Variants in RICTOR observed in about 807,000 individuals in gnomAD.
RICTOR encodes RPTOR independent companion of MTOR complex 2.
Under a neutral mutation model 214.9 loss-of-function variants are expected in RICTOR, and 49 were observed. The observed-to-expected ratio is 0.23, with a 90% CI of 0.18 to 0.29. RICTOR has a LOEUF of 0.29. RICTOR is among the 10% of genes least tolerant of loss of function. RICTOR has a pLI of 1.00. For synonymous variants in RICTOR, 717 were observed against 711.3 expected (o/e 1.01, Z -0.13); for missense variants, 1,625 against 2,047.0 (o/e 0.79, Z 3.98).
At position 38,942,180 on chromosome 5, in the gene RICTOR, C is replaced by T. The variant is rs548222798; in HGVS notation, c.*124G>A. 26 of 507,474 alleles carry T rather than the reference C, an allele frequency of 5.1e-5. No homozygotes were observed. Among genetic ancestry groups the T allele is most frequent in the Admixed American group, 4.0e-4 (14 of 35,026 alleles). 31.4% of individuals were successfully genotyped at this position (507,474 alleles called of 1,614,324 possible). On this transcript the variant is annotated 3_prime_UTR_variant, in exon 38 of 38. Coordinates refer to ENST00000357387, the MANE Select transcript of RICTOR (RefSeq NM_152756.5). ...CCAACTGTTCATGTACCAGTAACTGCGGAACAGTGTACAGAAGATACTCCT... is the reference window on the plus strand; with the variant it reads ...CCAACTGTTCATGTACCAGTAACTGTGGAACAGTGTACAGAAGATACTCCT...
In RICTOR at chr5:38,960,540, T is replaced by C; in HGVS notation, c.1716-7A>G. 2 of 1,611,430 alleles carry C rather than the reference T, an allele frequency of 1.2e-6. No individual in the cohort carries two copies. Among genetic ancestry groups the C allele is most frequent in the Non-Finnish European group, 1.7e-6 (2 of 1,178,676 alleles). On this transcript the variant is annotated splice_polypyrimidine_tract_variant and splice_region_variant and intron_variant, in intron 19 of 37. Coordinates refer to ENST00000357387, the MANE Select transcript of RICTOR (RefSeq NM_152756.5). ...AAGTAGTCTTCGTACAAACCTAAAATCAAAACACAAGTAGCAAAAAGGTAA... is the reference window on the plus strand; with the variant it reads ...AAGTAGTCTTCGTACAAACCTAAAACCAAAACACAAGTAGCAAAAAGGTAA...
chr5:39,027,667 G>GA (rs1755938416), intron 2 of RICTOR, among the ~76,000 whole-genome samples: 1 of 151,736 alleles, frequency 6.6e-6, no homozygotes, highest in African/African-American at 2.4e-5. Flanking sequence ...TAGACATTTT[G>GA]AAAAATAAAA....
chr5:38,964,424 A>G (rs1023435672), intron 16 of RICTOR, among the ~76,000 whole-genome samples: 1 of 151,856 alleles, frequency 6.6e-6, no homozygotes, highest in African/African-American at 2.4e-5. Flanking sequence ...ATAAAAGAAT[A>G]TATTAATACT....
intron 2 of RICTOR, among the ~76,000 whole-genome samples, chr5:39,039,724 C>G (rs1285522960): frequency 6.6e-6 from 1 of 152,202 alleles, no homozygotes; most frequent in African/African-American, 2.4e-5. Flanking sequence ...AAGTGCTCAT[C>G]ATCACTGGCC....
intron 21 of RICTOR, 141 bp from the exon 22 acceptor site, chr5:38,959,462 T>C: frequency 1.7e-6 from 1 of 600,284 alleles, no homozygotes; most frequent in Non-Finnish European, 2.9e-6. Flanking sequence ...CTTGATTTGA[T>C]ATACACATAC....
chr5:39,026,005 G>A (rs980093429), intron 2 of RICTOR, among the ~76,000 whole-genome samples: 1 of 152,092 alleles, frequency 6.6e-6, no homozygotes, highest in African/African-American at 2.4e-5. Flanking sequence ...TATAGAAATA[G>A]CAAAAAGAAA....
At chr5:38,985,128 C>T (rs1192515020) in intron 7 of RICTOR, among the ~76,000 whole-genome samples, 1 of 152,058 alleles carries the variant, frequency 6.6e-6, no homozygotes, top group Non-Finnish European at 1.5e-5. Context: ...TGTTGCTTAG[C>T]CATGCATTTC....
intron 11 of RICTOR, among the ~76,000 whole-genome samples, 164 bp from the exon 12 acceptor site, chr5:38,968,194 G>A (rs942917407): frequency 4.6e-5 from 7 of 152,024 alleles, no homozygotes; most frequent in South Asian, 2.1e-4. Context: ...TACGATGGTC[G>A]TTCCCTAAGA....
chr5:39,019,274 A>G (rs1299817528), intron 3 of RICTOR, among the ~76,000 whole-genome samples: 1 of 152,236 alleles, frequency 6.6e-6, no homozygotes, highest in African/African-American at 2.4e-5. Flanking sequence ...TAGCTACACT[A>G]AACAACAGAT....
chr5:39,066,969 T>C (rs1437649595), intron 2 of RICTOR, among the ~76,000 whole-genome samples: 3 of 152,216 alleles, frequency 2.0e-5, no homozygotes, highest in African/African-American at 7.2e-5. Context: ...TTCCCTCATT[T>C]TCCTGTCTTC....
chr5:38,957,401 G>T (rs1749352951), intron 25 of RICTOR, among the ~76,000 whole-genome samples: 1 of 152,072 alleles, frequency 6.6e-6, no homozygotes, highest in African/African-American at 2.4e-5. Context: ...CAAATGAGTT[G>T]AGAGTCAAAT....
rs1237196166 is a variant in RICTOR at position 39,068,512 on chromosome 5, T to C, written c.97+5599A>G. ...GGCCTTGAATGCCAAACTAAAGAAA[T>C]GTGGACTGTATTCTGTGAGCAAAAA... is the stretch of plus-strand genomic sequence containing the variant. On this transcript the variant is annotated intron_variant, in intron 2 of 37. Transcript: ENST00000357387. 4.6e-5 allele frequency among the ~76,000 whole-genome samples: 7 copies of C among 152,286 alleles called. 1 individual carries two copies. The South Asian group carries it at 1.2e-3, about 27-fold the overall frequency.
chr5:38,949,469 G>T, intron 31 of RICTOR: 1 of 1,502,466 alleles, frequency 6.7e-7, no homozygotes, highest in Non-Finnish European at 9.0e-7. Context: ...CTTGTGACTT[G>T]TATGTCCTTT....
chr5:38,943,819 G>GAAATACA (rs1247877861), intron 36 of RICTOR, among the ~76,000 whole-genome samples: 22 of 151,898 alleles, frequency 1.4e-4, no homozygotes, highest in African/African-American at 5.1e-4. Flanking sequence ...TCTCAAAAAA[G>GAAATACA]AAATACAAAA....
chr5:39,026,348 A>AAAAAC (rs148758528), intron 2 of RICTOR, among the ~76,000 whole-genome samples: 6,122 of 151,978 alleles, frequency 0.04, 207 homozygotes, highest in African/African-American at 0.09. Context: ...ACCCTGTCTC[A>AAAAAC]AAAACAAAAC....
intron 12 of RICTOR, 21 bp downstream of exon 12, chr5:38,967,922 C>A: frequency 8.1e-7 from 1 of 1,237,174 alleles, no homozygotes; most frequent in Admixed American, 1.8e-5. Flanking sequence ...TGAAAAGATA[C>A]AAATGTACTT....
intron 11 of RICTOR, among the ~76,000 whole-genome samples, 154 bp from the exon 12 acceptor site, chr5:38,968,184 T>C (rs1301675177): frequency 6.6e-6 from 1 of 152,164 alleles, no homozygotes; most frequent in African/African-American, 2.4e-5. Context: ...GGACCATATA[T>C]ACGATGGTCG....
At chr5:38,943,756 T>G (rs906489110) in intron 36 of RICTOR, among the ~76,000 whole-genome samples, 1 of 152,068 alleles carries the variant, frequency 6.6e-6, no homozygotes, top group African/African-American at 2.4e-5. Context: ...GAGGTTGCAG[T>G]GAGCCGAGAT....
At chr5:39,071,130 C>T (rs933559823) in intron 2 of RICTOR, among the ~76,000 whole-genome samples, 8 of 152,102 alleles carry the variant, frequency 5.3e-5, no homozygotes, top group Non-Finnish European at 1.2e-4. Flanking sequence ...GCAAGGCTAG[C>T]CAAGTCATTA....
Sources: allele counts gnomAD v4.1 joint callset (sites outside exome capture counted in the v4.1 genomes callset), GRCh38; gene constraint gnomAD v4.1.1; transcripts MANE v1.5; gene names NCBI Gene and HGNC (gene_info 2026-07-23, HGNC 2026-07-21).